NTM: variants seen among roughly 807,000 people sequenced by gnomAD.
NTM encodes neurotrimin, also known as IgLON family member 2.
NTM carries 13 observed loss-of-function variants against 42.1 expected under a neutral mutation model. The observed-to-expected ratio is 0.31, with a 90% CI of 0.20 to 0.49. The LOEUF is 0.49. NTM is among the 20% of genes least tolerant of loss of function. The pLI is 0.99. For missense variants in NTM, 373 were observed against 452.8 expected (o/e 0.82, Z 1.60); for synonymous variants, 187 against 179.2 (o/e 1.04, Z -0.35).
intron 1 of NTM, among the ~76,000 whole-genome samples, chr11:131,555,819 C>A (rs1457984707): frequency 6.6e-6 from 1 of 152,104 alleles, no homozygotes; most frequent in African/African-American, 2.4e-5. Flanking sequence ...GGATCTCTTC[C>A]CCAGGGCAGC....
intron 2 of NTM, among the ~76,000 whole-genome samples, chr11:132,097,650 G>T (rs1213797804): frequency 6.6e-6 from 1 of 152,122 alleles, no homozygotes; most frequent in Non-Finnish European, 1.5e-5. Context: ...AGGTCAGGCT[G>T]GCCTGGGAAA....
intron 2 of NTM, among the ~76,000 whole-genome samples, chr11:132,129,046 A>C (rs2066362783): frequency 1.3e-5 from 2 of 151,238 alleles, no homozygotes; most frequent in Non-Finnish European, 2.9e-5. Context: ...AAGTCCCAGC[A>C]GGTTATTGAG....
At chr11:132,320,076 T>TAACA (rs893137260) in intron 7 of NTM, among the ~76,000 whole-genome samples, 5 of 152,172 alleles carry the variant, frequency 3.3e-5, no homozygotes, top group Non-Finnish European at 5.9e-5. Context: ...CAAGGAAAAC[T>TAACA]AACAAACAGA....
chr11:131,426,843 T>C (rs1427454977), intron 1 of NTM, among the ~76,000 whole-genome samples: 1 of 152,170 alleles, frequency 6.6e-6, no homozygotes, highest in Non-Finnish European at 1.5e-5. Flanking sequence ...TTGAGTTCAC[T>C]GGGTCAACAT....
At chr11:131,908,555 G>A (rs1338038741) in intron 1 of NTM, among the ~76,000 whole-genome samples, 7 of 152,180 alleles carry the variant, frequency 4.6e-5, no homozygotes, top group African/African-American at 1.4e-4. Flanking sequence ...CCCATGACTA[G>A]CATTTGTTTC....
chr11:131,948,965 C>G (rs991475743), intron 2 of NTM, among the ~76,000 whole-genome samples: 1 of 152,136 alleles, frequency 6.6e-6, no homozygotes, highest in African/African-American at 2.4e-5. Flanking sequence ...ACTTTATGCC[C>G]ATTTGACAGC....
Position 131,370,778 on chromosome 11 carries a change from AAAGAAGAAAAAG to A in NTM, c.-17_-6del, listed in dbSNP as rs1461939245. ...AAAGAAAAAAACCGAACCTGACAAA[AAAGAAGAAAAAG>A]AAGAAGAAAAAAAATCATGAAAACC... is the stretch of plus-strand genomic sequence containing the variant. On this transcript the variant is annotated 5_prime_UTR_variant, in exon 1 of 9. Coordinates refer to ENST00000683400, the MANE Select transcript of NTM (RefSeq NM_001352005.2). 2 of 1,593,544 alleles carry A rather than the reference AAAGAAGAAAAAG, an allele frequency of 1.3e-6. No homozygotes were observed. The highest frequency in any genetic ancestry group is 2.7e-5 in the African/African-American group (2 of 73,912).
chr11:131,998,407 C>T (rs1019301029), intron 2 of NTM, among the ~76,000 whole-genome samples: 54 of 152,272 alleles, frequency 3.5e-4, no homozygotes, highest in African/African-American at 1.2e-3. Flanking sequence ...CATCCTGGGC[C>T]CCCCTTGTCC....
intron 1 of NTM, chr11:131,534,988 T>G (rs912026247): frequency 1.3e-5 from 2 of 152,238 alleles, no homozygotes; most frequent in Non-Finnish European, 2.9e-5. Context: ...GCAGGCAGGT[T>G]TGCTCTGCAA....
intron 1 of NTM, among the ~76,000 whole-genome samples, chr11:131,725,634 A>T (rs903380804): frequency 1.2e-4 from 18 of 152,178 alleles, no homozygotes; most frequent in Admixed American, 1.2e-3. Flanking sequence ...GGGGAGTAAG[A>T]GGAAGGGACA....
intron 1 of NTM, among the ~76,000 whole-genome samples, chr11:131,486,521 C>T (rs1954192061): frequency 6.6e-6 from 1 of 152,188 alleles, no homozygotes; most frequent in Non-Finnish European, 1.5e-5. Context: ...CCTAGCATCA[C>T]CTCTTATGAA....
chr11:131,863,157 A>G (rs994982271), intron 1 of NTM, among the ~76,000 whole-genome samples: 7 of 152,186 alleles, frequency 4.6e-5, no homozygotes, highest in Admixed American at 1.3e-4. Flanking sequence ...GAAGAGTGAG[A>G]TTGCAAACCA....
At chr11:131,672,837 G>A (rs1209593143) in intron 1 of NTM, among the ~76,000 whole-genome samples, 15 of 137,866 alleles carry the variant, frequency 1.1e-4, no homozygotes, top group East Asian at 1.1e-3. Context: ...AGAAGACCAC[G>A]GTGCCGGGGT....
In NTM at chr11:131,426,083, G is replaced by A. The variant is rs74446560; in HGVS notation, c.82+55195G>A. ...GGTTGCCAGTGTCCCACTTTGGGAGGCATCACTGAGGGCTGGGGGGTCTTT... is the reference window on the plus strand; with the variant it reads ...GGTTGCCAGTGTCCCACTTTGGGAGACATCACTGAGGGCTGGGGGGTCTTT... On this transcript the variant is annotated intron_variant, in intron 1 of 8. Transcript: ENST00000683400. 4.7e-3 allele frequency among the ~76,000 whole-genome samples: 716 copies of A among 152,268 alleles called. 8 individuals are homozygous for A. Among genetic ancestry groups the A allele is most frequent in the African/African-American group, 0.016 (685 of 41,548 alleles).
intron 1 of NTM, among the ~76,000 whole-genome samples, chr11:131,478,386 A>G (rs1953188693): frequency 6.6e-6 from 1 of 152,202 alleles, no homozygotes; most frequent in Non-Finnish European, 1.5e-5. Context: ...ACCTTGCCTA[A>G]GAGGTAGGTA....
At chr11:131,734,739 A>G (rs1443813980) in intron 1 of NTM, among the ~76,000 whole-genome samples, 4 of 152,334 alleles carry the variant, frequency 2.6e-5, no homozygotes, top group South Asian at 4.1e-4. Context: ...ATCATTATTA[A>G]TAAACTAAAT....
intron 1 of NTM, among the ~76,000 whole-genome samples, chr11:131,794,033 C>T (rs1185257027): frequency 6.6e-6 from 1 of 152,174 alleles, no homozygotes; most frequent in African/African-American, 2.4e-5. Flanking sequence ...GGATAACCAT[C>T]GACAAATATT....
At chr11:131,574,561 A>AGAGT (rs113049496) in intron 1 of NTM, among the ~76,000 whole-genome samples, 1 of 147,424 alleles carries the variant, frequency 6.8e-6, no homozygotes, top group Admixed American at 6.8e-5. Context: ...TATGTGCTTG[A>AGAGT]GTGTGTGTGT....
intron 2 of NTM, among the ~76,000 whole-genome samples, chr11:132,119,285 G>A (rs2064375497): frequency 6.6e-6 from 1 of 152,230 alleles, no homozygotes. Flanking sequence ...AGGGTGCACT[G>A]CTACAGTTGG....
Sources: gnomAD v4.1 joint callset for allele counts (sites outside exome capture counted in the v4.1 genomes callset) on GRCh38, gnomAD v4.1.1 for gene constraint, MANE v1.5 for transcripts, NCBI Gene and HGNC (gene_info 2026-07-23, HGNC 2026-07-21) for gene names.